The following DENND1B variants were observed in gnomAD, a reference collection of about 807,000 sequenced individuals.
The protein encoded by DENND1B is DENN domain-containing protein 1B.
Under a neutral mutation model 90.1 loss-of-function variants are expected in DENND1B, and 59 were observed. The ratio of observed to expected loss-of-function variants is 0.65; its 90% confidence interval spans 0.53 to 0.81. DENND1B has a LOEUF of 0.81. Among genes scored for constraint, DENND1B ranks in the 40% least tolerant of loss-of-function variants. The probability of loss-of-function intolerance (pLI) is 0.00; values close to 1 mark genes in which losing one functional copy is unlikely to be tolerated. For synonymous variants in DENND1B, 337 were observed against 324.6 expected (o/e 1.04, Z -0.41); for missense variants, 862 against 912.6 (o/e 0.94, Z 0.71).
Position 197,645,701 on chromosome 1 carries a change from T to A in DENND1B, c.550A>T (p.Ile184Leu). The stretch of plus-strand genomic sequence containing the variant: ...AATAGGAAACTTACACTCTCGGGTA[T>A]TGTTGGGAGTCCAGTTACATCAGGG... Reference protein sequence around the residue: ...IAPDVTGLPTIPESRNLTEYF... With the variant: ...IAPDVTGLPTLPESRNLTEYF... Residue 184 changes from isoleucine (I) to leucine (L), a missense_variant, in exon 9 of 23, where the codon ATA becomes TTA. Transcript: ENST00000620048. 6.4e-7 allele frequency: 1 copy of A among 1,562,550 alleles called. No individual in the cohort carries two copies. The highest frequency in any genetic ancestry group is 1.3e-5 in the South Asian group (1 of 78,858).
intron 12 of DENND1B, among the ~76,000 whole-genome samples, chr1:197,610,466 T>A (rs1572057962): frequency 6.9e-6 from 1 of 144,752 alleles, no homozygotes; most frequent in Non-Finnish European, 1.5e-5. Context: ...AAAAAAAAAA[T>A]TAACATCAAC....
intron 20 of DENND1B, among the ~76,000 whole-genome samples, chr1:197,535,683 TTC>T (rs1171055367): frequency 6.6e-6 from 1 of 152,184 alleles, no homozygotes; most frequent in Non-Finnish European, 1.5e-5. Context: ...TTAAAACCAC[TTC>T]TCTGAGAACT....
rs74790470 is a variant in DENND1B, at chr1:197,694,327, A to G, written c.127-20158T>C. The stretch of plus-strand genomic sequence containing the variant: ...ATGAGTTAATAATGAGTTTATGCCA[A>G]TTTTGCAAGACTTTATTTTCTACCG... On this transcript the variant is annotated intron_variant, in intron 3 of 22. Transcript: ENST00000620048. Among the ~76,000 whole-genome samples the G allele has an allele frequency of 5.8e-3, 879 of 151,518 alleles. 9 individuals carry two copies. Among genetic ancestry groups the G allele is most frequent in the African/African-American group, 0.02 (813 of 41,512 alleles).
At chr1:197,722,698 G>A (rs1352817683) in intron 2 of DENND1B, among the ~76,000 whole-genome samples, 1 of 152,006 alleles carries the variant, frequency 6.6e-6, no homozygotes, top group African/African-American at 2.4e-5. Flanking sequence ...AATCATGTAA[G>A]TTTGATTCAC....
At chr1:197,722,935 C>T (rs1661315243) in intron 2 of DENND1B, among the ~76,000 whole-genome samples, 1 of 152,054 alleles carries the variant, frequency 6.6e-6, no homozygotes, top group East Asian at 1.9e-4. Flanking sequence ...TATCTTCATT[C>T]GAATAAGCCA....
intron 11 of DENND1B, among the ~76,000 whole-genome samples, chr1:197,614,605 C>T (rs1489027407): frequency 6.6e-6 from 1 of 150,922 alleles, no homozygotes; most frequent in East Asian, 2.0e-4. Context: ...CATATGATTG[C>T]TGCTTCTTTT....
chr1:197,548,913 C>T (rs1182910078), intron 16 of DENND1B, among the ~76,000 whole-genome samples: 1 of 151,934 alleles, frequency 6.6e-6, no homozygotes, highest in East Asian at 1.9e-4. Flanking sequence ...TAGGTAGATT[C>T]CTATTTTAAA....
chr1:197,614,805 A>T (rs1257145933), intron 11 of DENND1B, among the ~76,000 whole-genome samples: 1 of 151,092 alleles, frequency 6.6e-6, no homozygotes, highest in Non-Finnish European at 1.5e-5. Context: ...TCATAAAAAG[A>T]AGAGTCATAT....
At chr1:197,545,812 TAG>T in intron 18 of DENND1B, 108 bp downstream of exon 18, 1 of 929,972 alleles carries the variant, frequency 1.1e-6, no homozygotes. Context: ...AATTTTTTTT[TAG>T]GTTTATTTAA....
intron 3 of DENND1B, chr1:197,688,860 T>A (rs1036772316): frequency 9.4e-6 from 2 of 211,814 alleles, no homozygotes; most frequent in African/African-American, 4.6e-5. Flanking sequence ...TGTGGTGGAA[T>A]TGACCAAAGA....
chr1:197,526,265 C>G (rs1669125142), intron 20 of DENND1B, among the ~76,000 whole-genome samples: 1 of 152,062 alleles, frequency 6.6e-6, no homozygotes, highest in African/African-American at 2.4e-5. Flanking sequence ...CAGCATTGAT[C>G]TCTGACAAAC....
chr1:197,565,910 TC>T (rs1347733798), intron 15 of DENND1B, among the ~76,000 whole-genome samples: 2 of 149,932 alleles, frequency 1.3e-5, no homozygotes, highest in Non-Finnish European at 3.0e-5. Flanking sequence ...TTGGGTTGGT[TC>T]CAAGTCTTTG....
At chr1:197,608,694 G>C (rs1488641016) in intron 12 of DENND1B, among the ~76,000 whole-genome samples, 1 of 150,550 alleles carries the variant, frequency 6.6e-6, no homozygotes, top group Non-Finnish European at 1.5e-5. Context: ...GAGTTAGTCT[G>C]TAAATAGCCT....
At chr1:197,520,440 A>G (rs769342662) in intron 20 of DENND1B, among the ~76,000 whole-genome samples, 2 of 151,978 alleles carry the variant, frequency 1.3e-5, no homozygotes, top group African/African-American at 2.4e-5. Context: ...ATTAATACTG[A>G]TAAGTAGTGT....
intron 9 of DENND1B, among the ~76,000 whole-genome samples, chr1:197,644,552 C>A (rs909399291): frequency 1.3e-5 from 2 of 152,144 alleles, no homozygotes; most frequent in Non-Finnish European, 2.9e-5. Context: ...GGTCAGTCAG[C>A]CTTAAAGAAA....
intron 14 of DENND1B, among the ~76,000 whole-genome samples, chr1:197,592,143 C>T (rs1675292162): frequency 8.0e-6 from 1 of 125,200 alleles, no homozygotes; most frequent in Non-Finnish European, 1.7e-5. Flanking sequence ...CATATGATAA[C>T]AGAGGCAAAG....
chr1:197,508,546 C>A lies in DENND1B; in HGVS notation c.*1914G>T, dbSNP rs1178954325. Reference sequence around the variant, plus strand: ...AATAAGTGTCCCAAATAACACATATCCATTTAGATTTTGAAACGTAGGTTT... The same window carrying A: ...AATAAGTGTCCCAAATAACACATATACATTTAGATTTTGAAACGTAGGTTT... On this transcript the variant is annotated 3_prime_UTR_variant, in exon 23 of 23. Coordinates refer to ENST00000620048, the MANE Select transcript of DENND1B (RefSeq NM_001195215.2). 6.6e-6 allele frequency: 1 copy of A among 151,514 alleles called. No individual in the cohort carries two copies. Among genetic ancestry groups the A allele is most frequent in the Non-Finnish European group, 1.5e-5 (1 of 67,736 alleles). 9.4% of individuals were successfully genotyped at this position (151,514 alleles called of 1,614,324 possible).
rs114121893 is a variant in DENND1B at position 197,640,019 on chromosome 1, T to C, written c.672+2692A>G. Among the ~76,000 whole-genome samples, 1,086 of 152,252 alleles carry C rather than the reference T, an allele frequency of 7.1e-3. 22 individuals carry two copies. Among genetic ancestry groups the C allele is most frequent in the African/African-American group, 0.025 (1,019 of 41,550 alleles). On this transcript the variant is annotated intron_variant, in intron 10 of 22. Transcript: ENST00000620048. Reference sequence around the variant, plus strand: ...GACATCACCATCAAGTTTTCATGAATTGTCATAAACAGTTGATAATAAATT... The same window carrying C: ...GACATCACCATCAAGTTTTCATGAACTGTCATAAACAGTTGATAATAAATT...
At chr1:197,735,070 A>G in intron 2 of DENND1B, 1 of 978,996 alleles carries the variant, frequency 1.0e-6, no homozygotes, top group African/African-American at 1.7e-5. Flanking sequence ...AAAATTTAAA[A>G]GAACATTTCA....
Sources: allele counts gnomAD v4.1 joint callset (sites outside exome capture counted in the v4.1 genomes callset), GRCh38; gene constraint gnomAD v4.1.1; transcripts MANE v1.5; gene names NCBI Gene and HGNC (gene_info 2026-07-23, HGNC 2026-07-21).